Variants in DNAAF8 observed in about 807,000 individuals in gnomAD.
DNAAF8 encodes dynein axonemal-associated protein 1.
A neutral mutation model predicts 54.6 loss-of-function variants in DNAAF8; 61 were observed. The ratio of observed to expected loss-of-function variants is 1.12; its 90% CI spans 0.91 to 1.38. The LOEUF (loss-of-function observed/expected upper bound fraction) is 1.38. Ranked by LOEUF, DNAAF8 falls within the 40% of genes most tolerant of loss-of-function variation. The pLI is 0.00. For synonymous variants in DNAAF8, 320 were observed against 270.1 expected, an observed-to-expected ratio of 1.18 and a Z score of -1.81; for missense variants, 837 against 665.0, an observed-to-expected ratio of 1.26 and a Z score of -2.85.
chr16:4,740,450 G>C lies in DNAAF8; in HGVS notation c.574G>C (p.Glu192Gln). The C allele has an allele frequency of 3.1e-6, 5 of 1,614,024 alleles. No individual in the cohort carries two copies. The highest frequency in any genetic ancestry group is 3.4e-6 in the Non-Finnish European group (4 of 1,179,966). ...KAEPLSTASQ[E>Q]SVNRRALRQE... ...AGAGCCCCTCAGCACTGCCTCACAA[G>C]AATCTGTGAACCGCCGGGCCCTCCG... The change falls in exon 4 of 10, where the codon GAA (glutamate) becomes CAA (glutamine). Residue 192 changes from glutamate to glutamine, a missense_variant. Coordinates refer to ENST00000299320, the MANE Select transcript of DNAAF8 (RefSeq NM_139170.3).
intron 4 of DNAAF8, among the ~76,000 whole-genome samples, chr16:4,740,948 G>A (rs1596483611): frequency 1.3e-5 from 2 of 152,070 alleles, no homozygotes; most frequent in South Asian, 4.2e-4. Flanking sequence ...ACTTTGGGAG[G>A]CCGAGGCGGG....
At chr16:4,746,294 A>C in intron 6 of DNAAF8, 81 bp from the exon 7 acceptor site, 1 of 1,429,426 alleles carries the variant, frequency 7.0e-7, no homozygotes, top group South Asian at 1.3e-5. Context: ...AGCCACGAGC[A>C]CTGTGACTGG....
chr16:4,746,571 C>A, intron 7 of DNAAF8, 59 bp downstream of exon 7: 2 of 1,543,698 alleles, frequency 1.3e-6, no homozygotes, highest in South Asian at 1.2e-5. Flanking sequence ...GCCTGTTGAC[C>A]GCACAGAGCC....
In DNAAF8 at chr16:4,740,172, A is replaced by C; in HGVS notation, c.296A>C (p.Glu99Ala). The C allele has an allele frequency of 6.2e-7, 1 of 1,610,286 alleles. No homozygotes were observed. Among genetic ancestry groups the C allele is most frequent in the South Asian group, 1.1e-5 (1 of 90,856 alleles). ...TGACAGCCAGTTCTGGTGCCTGCAG[A>C]ATTGGCCACAGAACCTGGGTGCAGA... is the stretch of plus-strand genomic sequence containing the variant. The part of the protein sequence containing the change: ...SLPEPVLVPA[E>A]LATEPGCRQN... Residue 99 changes from glutamate to alanine, a missense_variant, in exon 4 of 10, where the codon GAA (glutamate) becomes GCA (alanine). By Grantham distance (107) the Glu-to-Ala change is moderately radical. Coordinates refer to ENST00000299320, the MANE Select transcript of DNAAF8 (RefSeq NM_139170.3).
intron 5 of DNAAF8, 93 bp downstream of exon 5, chr16:4,743,253 C>T: frequency 3.4e-6 from 3 of 874,076 alleles, no homozygotes; most frequent in Non-Finnish European, 5.3e-6. Context: ...TGGTCACAGA[C>T]AGTCCTGCAG....
chr16:4,740,089 T>A, intron 3 of DNAAF8, 64 bp from the exon 4 acceptor site: 1 of 1,472,932 alleles, frequency 6.8e-7, no homozygotes. Flanking sequence ...TATTTTTCTA[T>A]GAAAAACATT....
chr16:4,746,235 A>G (rs944268171), intron 6 of DNAAF8, 140 bp from the exon 7 acceptor site: 2 of 910,842 alleles, frequency 2.2e-6, no homozygotes, highest in South Asian at 3.4e-5. Context: ...TAAAAGAGCA[A>G]ATGTGTTTAA....
chr16:4,745,558 T>G (rs2082004349), intron 6 of DNAAF8, among the ~76,000 whole-genome samples: 1 of 152,212 alleles, frequency 6.6e-6, no homozygotes, highest in South Asian at 2.1e-4. Context: ...CCCCACACTT[T>G]GGTTGCTCCG....
chr16:4,747,399 C>T lies in DNAAF8; in HGVS notation c.1337C>T (p.Thr446Ile). 1.9e-6 allele frequency: 3 copies of T among 1,612,078 alleles called. No individual in the cohort carries two copies. Among genetic ancestry groups the T allele is most frequent in the Non-Finnish European group, 2.5e-6 (3 of 1,179,354 alleles). The part of the protein sequence containing the change: ...LQQLRAFQKG[T>I]AQPELPASKG... ...CAGCTCAGGGCCTTTCAGAAGGGGA[C>T]AGCCCAGCCCGAGCTGCCTGCCAGC... The change falls in exon 9 of 10, where the codon ACA (threonine) becomes ATA (isoleucine). Residue 446 changes from threonine (T) to isoleucine (I), a missense_variant. Physicochemically the swap from Thr to Ile is moderately conservative, Grantham distance 89. Coordinates refer to ENST00000299320, the MANE Select transcript of DNAAF8 (RefSeq NM_139170.3).
Position 4,737,839 on chromosome 16 carries a change from A to C in DNAAF8, c.169A>C (p.Asn57His). Residue 57 changes from asparagine to histidine, a missense_variant, in exon 3 of 10, where the codon AAC becomes CAC. Coordinates refer to ENST00000299320, the MANE Select transcript of DNAAF8 (RefSeq NM_139170.3). ...GEEELFIFQR[N>H]QTSLIPDLSE... ...AGAGGAGCTGTTCATCTTCCAGCGA[A>C]ACCAAACCTCCCTGATTCCAGACCT... The C allele has an allele frequency of 6.2e-7, 1 of 1,614,148 alleles. No individual in the cohort carries two copies. Among genetic ancestry groups the C allele is most frequent in the Non-Finnish European group, 8.5e-7 (1 of 1,179,994 alleles).
chr16:4,744,813 G>A (rs1024259269), intron 5 of DNAAF8, 57 bp from the exon 6 acceptor site: 3 of 1,563,390 alleles, frequency 1.9e-6, no homozygotes, highest in Admixed American at 1.7e-5. Flanking sequence ...TCCAGCTGCT[G>A]TAAGTCACAA....
intron 7 of DNAAF8, 39 bp from the exon 8 acceptor site, chr16:4,746,888 G>C: frequency 2.7e-6 from 4 of 1,496,208 alleles, no homozygotes; most frequent in Non-Finnish European, 3.6e-6. Flanking sequence ...AACACCAGGT[G>C]GAGTGGGCAC....
rs371213769 is a variant in DNAAF8 at position 4,740,513 on chromosome 16, C to T, written c.637C>T (p.Gln213Ter). ...RRKMIETDIL[Q>*]KVTRDACGPT... ...GAAGATGATAGAGACGGACATCCTCCAGAAAGTCACCCGGGATGCCTGCGG... is the reference window on the plus strand; with the variant it reads ...GAAGATGATAGAGACGGACATCCTCTAGAAAGTCACCCGGGATGCCTGCGG... Residue 213 changes from glutamine to a stop codon, truncating the protein, a stop_gained, in exon 4 of 10, where the codon CAG becomes TAG. Transcript: ENST00000299320. LOFTEE classifies it high-confidence loss of function. 4 of 1,614,128 alleles carry T rather than the reference C, an allele frequency of 2.5e-6. No individual in the cohort carries two copies. The highest frequency in any genetic ancestry group is 3.4e-6 in the Non-Finnish European group (4 of 1,180,022).
chr16:4,748,649 T>G (rs2082049116), intron 9 of DNAAF8, 76 bp from the exon 10 acceptor site: 2 of 152,492 alleles, frequency 1.3e-5, no homozygotes, highest in Admixed American at 1.3e-4. Flanking sequence ...CAGCCCCGTC[T>G]TCACGGGATG....
intron 3 of DNAAF8, among the ~76,000 whole-genome samples, chr16:4,738,434 C>G (rs772630865): frequency 2.7e-4 from 41 of 152,232 alleles, no homozygotes; most frequent in Non-Finnish European, 4.7e-4. Context: ...CCTGAGCAAG[C>G]ACACAAGCTG....
chr16:4,738,137 C>T lies in DNAAF8; in HGVS notation c.276+191C>T, dbSNP rs919043800. ...ACGCACCTCCCTCTCCTGGGGAGCC[C>T]GGCACCTTAGGGCTGGCATGCACGC... On this transcript the variant is annotated intron_variant, in intron 3 of 9. Transcript: ENST00000299320. The T allele has an allele frequency of 4.9e-5, 35 of 712,538 alleles. 1 individual carries two copies. In the South Asian group the frequency reaches 5.4e-4, roughly 11 times the overall value. 44.1% of individuals were successfully genotyped at this position (712,538 alleles called of 1,614,324 possible).
intron 8 of DNAAF8, 47 bp downstream of exon 8, chr16:4,747,072 C>T (rs778821067): frequency 6.8e-7 from 1 of 1,475,070 alleles, no homozygotes; most frequent in South Asian, 1.3e-5. Context: ...CCCACCTCTG[C>T]TTTCTGCAGC....
chr16:4,747,112 G>A, intron 8 of DNAAF8, 87 bp downstream of exon 8: 3 of 1,344,764 alleles, frequency 2.2e-6, no homozygotes, highest in South Asian at 1.4e-5. Context: ...TTTACCGCCT[G>A]TGGTGAGGTC....
intron 1 of DNAAF8, among the ~76,000 whole-genome samples, chr16:4,735,489 C>G (rs767058524): frequency 2.6e-5 from 4 of 152,122 alleles, no homozygotes; most frequent in Non-Finnish European, 5.9e-5. Flanking sequence ...ACAGCGGCCT[C>G]TCGAGCTGCA....
Sources: gnomAD v4.1 joint callset for allele counts (sites outside exome capture counted in the v4.1 genomes callset) on GRCh38, gnomAD v4.1.1 for gene constraint, MANE v1.5 for transcripts, NCBI Gene and HGNC (gene_info 2026-07-23, HGNC 2026-07-21) for gene names.